C12orf54: variants seen among roughly 807,000 people sequenced by gnomAD.
C12orf54 encodes uncharacterized protein C12orf54.
A neutral mutation model predicts 26.4 loss-of-function variants in C12orf54; 24 were observed. The ratio of observed to expected loss-of-function variants is 0.91; its 90% confidence interval spans 0.66 to 1.28. C12orf54 has a LOEUF of 1.28. Among genes scored for constraint, C12orf54 ranks in the 50% most tolerant of loss-of-function variants. The pLI, the probability that C12orf54 is intolerant of heterozygous loss-of-function variation, is 0.00. For synonymous variants in C12orf54, 54 were observed against 47.0 expected (o/e 1.15, Z -0.61); for missense variants, 154 against 150.9 (o/e 1.02, Z -0.11).
chr12:48,494,874 G>A lies in C12orf54; in HGVS notation c.319G>A (p.Gly107Arg). ...LQFSSGEQPS[G>R]GRIHNLKTQL... is the part of the protein sequence containing the mutation. ...GTTCAGCTCTGGAGAGCAGCCATCA[G>A]GAGGCCGTATCCACAACCTGAAGAC... The change falls in exon 8 of 9, where the codon GGA becomes AGA. Residue 107 changes from glycine to arginine, a missense_variant. By Grantham distance (125) the Gly-to-Arg change is moderately radical. Coordinates refer to ENST00000548364, the MANE Select transcript of C12orf54 (RefSeq NM_152319.4). 1.2e-6 allele frequency: 2 copies of A among 1,613,238 alleles called. No individual in the cohort carries two copies. The highest frequency in any genetic ancestry group is 1.7e-6 in the Non-Finnish European group (2 of 1,179,130).
chr12:48,436,256 A>G, the C12orf54 span, among the ~76,000 whole-genome samples: 1 of 152,182 alleles, frequency 6.6e-6, no homozygotes, highest in Admixed American at 6.5e-5. Context: ...CAGATTCATA[A>G]AGCAAGTCCT....
the C12orf54 span, among the ~76,000 whole-genome samples, chr12:48,433,152 A>C: frequency 6.6e-6 from 1 of 152,264 alleles, no homozygotes; most frequent in Middle Eastern, 3.4e-3. Context: ...ACCTTTATCA[A>C]AATACCTGTC....
At chr12:48,430,738 G>A in the C12orf54 span, among the ~76,000 whole-genome samples, 4 of 152,296 alleles carry the variant, frequency 2.6e-5, no homozygotes, top group South Asian at 8.3e-4. Context: ...AAACAGTGTG[G>A]AGATTCCTTA....
At chr12:48,476,631 A>C in the C12orf54 span, among the ~76,000 whole-genome samples, 2 of 152,210 alleles carry the variant, frequency 1.3e-5, no homozygotes, top group South Asian at 4.2e-4. Context: ...AACCAACAAA[A>C]ATCAAAAGAG....
At chr12:48,440,086 A>G in the C12orf54 span, among the ~76,000 whole-genome samples, 4 of 151,904 alleles carry the variant, frequency 2.6e-5, no homozygotes, top group Admixed American at 6.6e-5. Flanking sequence ...TTCGCCAACT[A>G]TGGTGACAGG....
At chr12:48,433,458 G>GTT in the C12orf54 span, among the ~76,000 whole-genome samples, 2 of 110,368 alleles carry the variant, frequency 1.8e-5, no homozygotes, top group Non-Finnish European at 1.7e-5. Flanking sequence ...TTTTTTTTGG[G>GTT]GGGGGGGGGG....
At chr12:48,423,169 G>A in the C12orf54 span, among the ~76,000 whole-genome samples, 3 of 152,040 alleles carry the variant, frequency 2.0e-5, no homozygotes, top group African/African-American at 7.2e-5. Flanking sequence ...GATATTAGAA[G>A]AGAACATGTA....
At chr12:48,492,751 T>C in intron 6 of C12orf54, 196 bp from the exon 7 acceptor site, 1 of 593,786 alleles carries the variant, frequency 1.7e-6, no homozygotes, top group East Asian at 2.8e-5. Flanking sequence ...TGATCCGCTC[T>C]GCTTCACAGG....
chr12:48,451,163 G>T, the C12orf54 span, among the ~76,000 whole-genome samples: 2 of 152,086 alleles, frequency 1.3e-5, no homozygotes, highest in Admixed American at 1.3e-4. Context: ...TCCCTGACAT[G>T]CAAGTTTGGT....
At chr12:48,469,294 G>A in the C12orf54 span, among the ~76,000 whole-genome samples, 2 of 152,150 alleles carry the variant, frequency 1.3e-5, no homozygotes, top group African/African-American at 2.4e-5. Flanking sequence ...CTCCCAGAGC[G>A]GCCATTTTAG....
the C12orf54 span, among the ~76,000 whole-genome samples, chr12:48,419,658 C>G: frequency 6.6e-6 from 1 of 152,056 alleles, no homozygotes; most frequent in South Asian, 2.1e-4. Flanking sequence ...AAAGAAAGCA[C>G]ACAGCAAGGG....
chr12:48,435,331 C>A, the C12orf54 span, among the ~76,000 whole-genome samples: 5 of 152,292 alleles, frequency 3.3e-5, no homozygotes, highest in Non-Finnish European at 7.3e-5. Flanking sequence ...AGTTGGAAAA[C>A]ACTCTGCAGG....
the C12orf54 span, among the ~76,000 whole-genome samples, chr12:48,439,611 G>T: frequency 6.6e-6 from 1 of 151,998 alleles, no homozygotes; most frequent in Non-Finnish European, 1.5e-5. Flanking sequence ...CATGGATGAA[G>T]CTGGAAACCA....
the C12orf54 span, among the ~76,000 whole-genome samples, chr12:48,477,044 A>G: frequency 2.6e-5 from 4 of 152,160 alleles, no homozygotes; most frequent in African/African-American, 9.6e-5. Flanking sequence ...ATAACAAACT[A>G]TCTCTTAGAC....
At chr12:48,451,218 A>T in the C12orf54 span, among the ~76,000 whole-genome samples, 3 of 152,176 alleles carry the variant, frequency 2.0e-5, no homozygotes, top group African/African-American at 7.2e-5. Context: ...CATAAAGAGA[A>T]TTAAGACAAA....
the C12orf54 span, among the ~76,000 whole-genome samples, chr12:48,450,485 A>G: frequency 6.6e-6 from 1 of 152,230 alleles, no homozygotes. Context: ...AGCCAAGATC[A>G]AGGCTGAACT....
upstream of C12orf54, among the ~76,000 whole-genome samples, chr12:48,480,719 G>A (rs369136612): frequency 4.8e-4 from 73 of 152,176 alleles, no homozygotes; most frequent in East Asian, 0.012. Context: ...TATACCCAAA[G>A]GAAAATTAAT....
At chr12:48,466,722 A>T in the C12orf54 span, among the ~76,000 whole-genome samples, 1 of 152,144 alleles carries the variant, frequency 6.6e-6, no homozygotes, top group Non-Finnish European at 1.5e-5. Context: ...AATCTCATAC[A>T]CTGGTAGTAG....
chr12:48,438,376 C>T, the C12orf54 span, among the ~76,000 whole-genome samples: 65 of 152,312 alleles, frequency 4.3e-4, no homozygotes, highest in African/African-American at 1.5e-3. Context: ...CTACCAATGA[C>T]TTTCTTCACA....
Sources: allele counts gnomAD v4.1 joint callset (sites outside exome capture counted in the v4.1 genomes callset), GRCh38; gene constraint gnomAD v4.1.1; transcripts MANE v1.5; gene names NCBI Gene and HGNC (gene_info 2026-07-23, HGNC 2026-07-21).